The following GRID2 variants were observed in gnomAD, a reference collection of about 807,000 sequenced individuals.
The protein encoded by GRID2 is glutamate receptor ionotropic, delta-2.
Under a neutral mutation model 114.8 loss-of-function variants are expected in GRID2, and 33 were observed. That is an observed-to-expected ratio of 0.29 (90% confidence interval 0.22 to 0.38). The LOEUF (loss-of-function observed/expected upper bound fraction) is 0.38, where lower values mean the gene tolerates loss of function less well. GRID2 is among the 10% of genes least tolerant of loss of function. The pLI, the probability that GRID2 is intolerant of heterozygous loss-of-function variation, is 1.00. For synonymous variants in GRID2, 505 were observed against 449.9 expected, an observed-to-expected ratio of 1.12 and a Z score of -1.55; for missense variants, 1,184 against 1,257.7, an observed-to-expected ratio of 0.94 and a Z score of 0.89.
At chr4:92,960,043 T>C (rs1752698780) in intron 2 of GRID2, among the ~76,000 whole-genome samples, 1 of 151,958 alleles carries the variant, frequency 6.6e-6, no homozygotes, top group African/African-American at 2.4e-5. Context: ...AGGGGTGTAT[T>C]TGTTTAATTT....
chr4:93,306,168 A>T (rs1306981928), intron 8 of GRID2: 2 of 152,228 alleles, frequency 1.3e-5, no homozygotes, highest in African/African-American at 2.4e-5. Context: ...TGAAACAGAG[A>T]GAGCCCAGGC....
intron 11 of GRID2, among the ~76,000 whole-genome samples, chr4:93,471,582 A>G (rs1217142862): frequency 6.6e-6 from 1 of 151,978 alleles, no homozygotes; most frequent in Non-Finnish European, 1.5e-5. Context: ...CCCTTAACAC[A>G]GAGAAATGTG....
intron 4 of GRID2, among the ~76,000 whole-genome samples, chr4:93,168,197 A>G (rs970199787): frequency 6.6e-6 from 1 of 151,632 alleles, no homozygotes; most frequent in South Asian, 2.1e-4. Flanking sequence ...GTGAGACTCT[A>G]TCTCAAAAGA....
intron 1 of GRID2, among the ~76,000 whole-genome samples, chr4:92,390,667 C>G (rs951658314): frequency 1.3e-5 from 2 of 152,154 alleles, no homozygotes; most frequent in Non-Finnish European, 2.9e-5. Context: ...AAATTAGATA[C>G]TTTCCCCTCC....
chr4:93,224,890 G>A, intron 7 of GRID2, 115 bp downstream of exon 7: 1 of 700,374 alleles, frequency 1.4e-6, no homozygotes, highest in South Asian at 2.0e-5. Context: ...ACAGTGTAAT[G>A]GGGAAATTAA....
chr4:92,785,115 A>C (rs1739256663), intron 2 of GRID2, among the ~76,000 whole-genome samples: 1 of 149,730 alleles, frequency 6.7e-6, no homozygotes, highest in African/African-American at 2.4e-5. Flanking sequence ...TCCACTAAAA[A>C]TGATAAGTCT....
Position 93,666,810 on chromosome 4 carries a change from T to C in GRID2, c.2360+40375T>C, listed in dbSNP as rs1723988598. Among the ~76,000 whole-genome samples the C allele has an allele frequency of 2.0e-5, 3 of 152,050 alleles. No homozygotes were observed. In the South Asian group the frequency reaches 6.2e-4, roughly 31 times the overall value. ...GAATTCATAACAACAGTTCCCAGAA[T>C]CTTCCTTAAGAAAGACACAACTACT... On this transcript the variant is annotated intron_variant, in intron 14 of 15. Coordinates refer to ENST00000282020, the MANE Select transcript of GRID2 (RefSeq NM_001510.4).
chr4:92,328,242 C>T lies in GRID2; in HGVS notation c.88+23498C>T, dbSNP rs189175308. Among the ~76,000 whole-genome samples the T allele has an allele frequency of 2.4e-3, 366 of 152,140 alleles. 1 individual carries two copies. Among genetic ancestry groups the T allele is most frequent in the Non-Finnish European group, 3.9e-3 (262 of 67,936 alleles). ...ATCTTATGCCATGTTAAATGTTCTTCTCTGCAGGAGTACCAGAGCAGGGGA... is the reference window on the plus strand; with the variant it reads ...ATCTTATGCCATGTTAAATGTTCTTTTCTGCAGGAGTACCAGAGCAGGGGA... On this transcript the variant is annotated intron_variant, in intron 1 of 15. Transcript: ENST00000282020.
intron 1 of GRID2, among the ~76,000 whole-genome samples, chr4:92,450,133 A>T (rs1720826259): frequency 6.6e-6 from 1 of 152,074 alleles, no homozygotes; most frequent in Admixed American, 6.6e-5. Flanking sequence ...TTGGAAAATA[A>T]AGTAGTTTTA....
chr4:93,305,294 G>A (rs1755298009), intron 8 of GRID2, among the ~76,000 whole-genome samples: 1 of 152,152 alleles, frequency 6.6e-6, no homozygotes, highest in Admixed American at 6.6e-5. Context: ...GTAGTAAAGT[G>A]AAAGTAAACA....
intron 9 of GRID2, among the ~76,000 whole-genome samples, chr4:93,407,989 A>T (rs937259869): frequency 1.3e-5 from 2 of 152,096 alleles, no homozygotes; most frequent in African/African-American, 2.4e-5. Flanking sequence ...GTACTTTGCA[A>T]TTCAATTAAA....
chr4:92,408,906 C>A (rs1024680611), intron 1 of GRID2, among the ~76,000 whole-genome samples: 4 of 152,022 alleles, frequency 2.6e-5, no homozygotes, highest in African/African-American at 9.7e-5. Context: ...AGAATCATAT[C>A]ATTGAAAAAG....
intron 1 of GRID2, among the ~76,000 whole-genome samples, chr4:92,332,194 G>A (rs1237967348): frequency 5.9e-5 from 9 of 152,230 alleles, no homozygotes; most frequent in African/African-American, 1.7e-4. Flanking sequence ...CTTGGATCAT[G>A]GTTTTGGTGG....
intron 14 of GRID2, among the ~76,000 whole-genome samples, chr4:93,726,518 G>A (rs1194497480): frequency 1.3e-5 from 2 of 152,154 alleles, no homozygotes; most frequent in South Asian, 2.1e-4. Context: ...CCAATTCTGT[G>A]TAGAAAGTCA....
chr4:93,689,588 T>A (rs1726366154), intron 14 of GRID2, among the ~76,000 whole-genome samples: 1 of 152,022 alleles, frequency 6.6e-6, no homozygotes, highest in African/African-American at 2.4e-5. Context: ...ATTCATTAAT[T>A]TAGCATTTTC....
chr4:93,796,297 C>T (rs575526190), intron 1 of GRID2, among the ~76,000 whole-genome samples: 37 of 152,204 alleles, frequency 2.4e-4, no homozygotes, highest in Admixed American at 2.6e-4. Flanking sequence ...CTTCCCTACA[C>T]GCAAAGAAGG....
chr4:92,390,299 A>G (rs1481462146), intron 1 of GRID2, among the ~76,000 whole-genome samples: 1 of 152,216 alleles, frequency 6.6e-6, no homozygotes, highest in Non-Finnish European at 1.5e-5. Context: ...AATAAAATTA[A>G]TTGAAAGAAT....
At chr4:93,214,869 T>C (rs1242528799) in intron 5 of GRID2, among the ~76,000 whole-genome samples, 1 of 152,048 alleles carries the variant, frequency 6.6e-6, no homozygotes, top group Non-Finnish European at 1.5e-5. Flanking sequence ...CTACCATTCA[T>C]AAATATTAAT....
intron 4 of GRID2, among the ~76,000 whole-genome samples, chr4:93,159,368 TAAG>T (rs768670767): frequency 1.3e-5 from 2 of 151,784 alleles, no homozygotes; most frequent in Non-Finnish European, 2.9e-5. Context: ...AAAAGCAACA[TAAG>T]ATTATTGTAT....
Sources: gnomAD v4.1 joint callset for allele counts (sites outside exome capture counted in the v4.1 genomes callset) on GRCh38, gnomAD v4.1.1 for gene constraint, MANE v1.5 for transcripts, NCBI Gene and HGNC (gene_info 2026-07-23, HGNC 2026-07-21) for gene names.